NPHP1: variants seen among roughly 807,000 people sequenced by gnomAD.
The protein encoded by NPHP1 is nephrocystin-1.
Under a neutral mutation model 90.4 loss-of-function variants are expected in NPHP1, and 70 were observed. The observed-to-expected ratio is 0.77, with a 90% CI of 0.64 to 0.95. The LOEUF (loss-of-function observed/expected upper bound fraction) is 0.95. NPHP1 is among the 40% of genes least tolerant of loss of function. NPHP1 has a pLI of 0.00. For missense variants in NPHP1, 764 were observed against 795.9 expected (o/e 0.96, Z 0.48); for synonymous variants, 256 against 271.7 (o/e 0.94, Z 0.57).
At chr2:110,146,891 G>T in intron 13 of NPHP1, 56 bp from the exon 14 acceptor site, 1 of 1,236,192 alleles carries the variant, frequency 8.1e-7, no homozygotes, top group Non-Finnish European at 1.2e-6. Flanking sequence ...AAATTTATAA[G>T]CACATACCAA....
At chr2:110,164,418 G>A (rs1056175387) in intron 8 of NPHP1, 3 of 734,094 alleles carry the variant, frequency 4.1e-6, no homozygotes, top group Admixed American at 2.1e-5. Context: ...TCAAATGATA[G>A]GAAAGCAGGA....
chr2:110,184,116 A>C, intron 2 of NPHP1: 1 of 549,112 alleles, frequency 1.8e-6, no homozygotes, highest in South Asian at 1.4e-5. Flanking sequence ...ATCTGGTGTG[A>C]TTAAAGCTGG....
chr2:110,143,571 G>A lies in NPHP1; in HGVS notation c.1500C>T (p.Ser500=). 6.2e-7 allele frequency: 1 copy of A among 1,613,238 alleles called. No individual in the cohort carries two copies. Among genetic ancestry groups the A allele is most frequent in the African/African-American group, 1.3e-5 (1 of 75,034 alleles). Residue 500 remains serine, a synonymous_variant, in exon 16 of 20, where the codon TCC becomes TCT. Coordinates refer to ENST00000445609, the MANE Select transcript of NPHP1 (RefSeq NM_001128178.3). ...GTACATTTCTTGATCTTCTGTTCAAGGATCTCAGTTTCACTAGAAGTTGAG... is the reference window on the plus strand; with the variant it reads ...GTACATTTCTTGATCTTCTGTTCAAAGATCTCAGTTTCACTAGAAGTTGAG... The part of the protein sequence containing the change: ...RQPQLLVKLR[S]LNRRSRNVLS...
chr2:110,194,139 G>C (rs9750361), intron 2 of NPHP1, among the ~76,000 whole-genome samples: 67,848 of 151,742 alleles, frequency 0.45, 16,272 homozygotes, highest in African/African-American at 0.62. Flanking sequence ...CTAGCAGAAG[G>C]CAAGAAATAA....
At chr2:110,179,771 A>G in intron 2 of NPHP1, 87 bp from the exon 3 acceptor site, 1 of 665,858 alleles carries the variant, frequency 1.5e-6, no homozygotes. Context: ...GTCGTTGAGC[A>G]GGCAAGGCAA....
In NPHP1 at chr2:110,161,982, T is replaced by G. The variant is rs17842677; in HGVS notation, c.860-285A>C. ...TGACAAGGATTCATTCAAATATTTTTGTAAAATGCAGAAATCTATGAGCAC... is the reference window on the plus strand; with the variant it reads ...TGACAAGGATTCATTCAAATATTTTGGTAAAATGCAGAAATCTATGAGCAC... On this transcript the variant is annotated intron_variant, in intron 9 of 19. Coordinates refer to ENST00000445609, the MANE Select transcript of NPHP1 (RefSeq NM_001128178.3). 0.01 allele frequency among the ~76,000 whole-genome samples: 1,566 copies of G among 152,310 alleles called. 26 individuals carry two copies. The highest frequency in any genetic ancestry group is 0.036 in the African/African-American group (1,506 of 41,564).
At chr2:110,127,840 C>T (rs1679476615) in intron 18 of NPHP1, 1 of 152,174 alleles carries the variant, frequency 6.6e-6, no homozygotes, top group African/African-American at 2.4e-5. Context: ...TCCTGTTACA[C>T]ACCTAGGGAA....
intron 3 of NPHP1, among the ~76,000 whole-genome samples, chr2:110,179,340 T>C (rs1317589442): frequency 2.0e-5 from 3 of 152,124 alleles, no homozygotes; most frequent in Non-Finnish European, 2.9e-5. Flanking sequence ...GTAAAACAAC[T>C]CACAAAATGC....
In NPHP1 at chr2:110,123,612, G is replaced by C. The variant is rs996083514; in HGVS notation, c.*179C>G. The C allele has an allele frequency of 1.1e-5, 7 of 609,246 alleles. No individual in the cohort carries two copies. The Admixed American group carries it at 1.2e-4, about 10-fold the overall frequency. 37.7% of individuals were successfully genotyped at this position (609,246 alleles called of 1,614,324 possible). A position where few individuals can be genotyped will look rare whatever the true frequency, so the allele number is the denominator to read the frequency against. ...ATTCCTTATAAAAATTTATTTTATG[G>C]TTTTAAAAAATATTTAAATTATTGT... On this transcript the variant is annotated 3_prime_UTR_variant, in exon 20 of 20. Transcript: ENST00000445609.
In NPHP1 at chr2:110,129,102, A is replaced by C. The variant is rs1035611749; in HGVS notation, c.1716+84T>G. 5 of 688,514 alleles carry C rather than the reference A, an allele frequency of 7.3e-6. No individual in the cohort carries two copies. The East Asian group carries it at 2.0e-4, about 28-fold the overall frequency. The allele number at this position is 688,514 out of a possible 1,614,324, so 42.7% of individuals were successfully genotyped here. A position where few individuals can be genotyped will look rare whatever the true frequency, so the allele number is the denominator to read the frequency against. On this transcript the variant is annotated intron_variant, in intron 18 of 19. Coordinates refer to ENST00000445609, the MANE Select transcript of NPHP1 (RefSeq NM_001128178.3). ...AGACATCATCCTAGTAACAAAAAAA[A>C]AGGCCTAGACAGAACTCATTAACAC...
intron 16 of NPHP1, among the ~76,000 whole-genome samples, chr2:110,141,846 G>A (rs918553971): frequency 1.1e-4 from 16 of 151,734 alleles, no homozygotes; most frequent in African/African-American, 1.7e-4. Flanking sequence ...GGTGGCGGGC[G>A]CCTGTAGTCC....
chr2:110,164,817 A>G, intron 7 of NPHP1, 87 bp from the exon 8 acceptor site: 1 of 1,192,106 alleles, frequency 8.4e-7, no homozygotes, highest in South Asian at 1.2e-5. Context: ...GTTGATAATC[A>G]TCAGTAAGTT....
At chr2:110,126,198 A>G (rs1679353617) in intron 18 of NPHP1, 1 of 166,876 alleles carries the variant, frequency 6.0e-6, no homozygotes, top group Non-Finnish European at 1.3e-5. Context: ...CCAGAGTTCA[A>G]TTAGTCCCAC....
At chr2:110,173,672 T>C (rs1253253812) in intron 4 of NPHP1, among the ~76,000 whole-genome samples, 1 of 152,198 alleles carries the variant, frequency 6.6e-6, no homozygotes. Context: ...ATACTATAAC[T>C]ATATAACCCA....
chr2:110,204,067 G>T (rs1486115143), intron 1 of NPHP1, among the ~76,000 whole-genome samples: 2 of 152,096 alleles, frequency 1.3e-5, no homozygotes, highest in Non-Finnish European at 2.9e-5. Context: ...ACAATGTGAT[G>T]AATACTTTTA....
chr2:110,126,085 T>C (rs1211041925), intron 18 of NPHP1: 1 of 267,894 alleles, frequency 3.7e-6, no homozygotes, highest in African/African-American at 2.2e-5. Flanking sequence ...GTCATGATGA[T>C]GACAATGGTC....
chr2:110,170,976 G>A (rs911678285), intron 4 of NPHP1, among the ~76,000 whole-genome samples: 21 of 152,054 alleles, frequency 1.4e-4, no homozygotes, highest in Non-Finnish European at 2.4e-4. Flanking sequence ...CTTTAAAGTC[G>A]CCCCTAAAAA....
At chr2:110,182,081 A>G (rs1371241210) in intron 2 of NPHP1, among the ~76,000 whole-genome samples, 1 of 152,178 alleles carries the variant, frequency 6.6e-6, no homozygotes, top group African/African-American at 2.4e-5. Context: ...GGACAAGAAT[A>G]GGGAAAAAAG....
intron 2 of NPHP1, among the ~76,000 whole-genome samples, chr2:110,197,251 A>C (rs1685234743): frequency 6.6e-6 from 1 of 152,166 alleles, no homozygotes; most frequent in South Asian, 2.1e-4. Context: ...CTATGTAACA[A>C]ACCTGCACAA....
Sources: allele counts gnomAD v4.1 joint callset (sites outside exome capture counted in the v4.1 genomes callset), GRCh38; gene constraint gnomAD v4.1.1; transcripts MANE v1.5; gene names NCBI Gene and HGNC (gene_info 2026-07-23, HGNC 2026-07-21).